The following JAK1 variants were observed in gnomAD, a reference collection of about 807,000 sequenced individuals.
JAK1 encodes the protein tyrosine-protein kinase JAK1.
A neutral mutation model predicts 136.6 loss-of-function variants in JAK1; 16 were observed. The observed-to-expected ratio is 0.12, with a 90% CI of 0.08 to 0.18. JAK1 has a LOEUF of 0.18. Among genes scored for constraint, JAK1 ranks in the 10% least tolerant of loss-of-function variants. JAK1 has a pLI of 1.00. For missense variants in JAK1, 859 were observed against 1,450.1 expected, an observed-to-expected ratio of 0.59 and a Z score of 6.62; for synonymous variants, 492 against 519.5, an observed-to-expected ratio of 0.95 and a Z score of 0.72.
At position 64,983,338 on chromosome 1, in the gene JAK1, A is replaced by C. The variant is rs181148690; in HGVS notation, c.-78+61142T>G. Among the ~76,000 whole-genome samples, 1,065 of 152,312 alleles carry C rather than the reference A, an allele frequency of 7.0e-3. 13 individuals carry two copies. The highest frequency in any genetic ancestry group is 0.033 in the South Asian group (159 of 4,826). ...CACTCGGCACAGGACCACGGTGGTC[A>C]TGGTAACAGACATAGACAAGCATGC... On this transcript the variant is annotated intron_variant, in intron 2 of 25. Transcript: ENST00000671954.
chr1:65,026,662 G>T (rs1169078953), intron 2 of JAK1, among the ~76,000 whole-genome samples: 2 of 152,132 alleles, frequency 1.3e-5, no homozygotes, highest in East Asian at 3.9e-4. Context: ...GAAATTGTTT[G>T]CATTTTAAAT....
intron 2 of JAK1, among the ~76,000 whole-genome samples, chr1:64,981,962 G>A (rs1335266120): frequency 6.6e-6 from 1 of 152,112 alleles, no homozygotes; most frequent in Non-Finnish European, 1.5e-5. Flanking sequence ...TTAGTGTCCT[G>A]GAGATGTAAA....
intron 4 of JAK1, among the ~76,000 whole-genome samples, chr1:64,878,561 GTATATATATATATA>G (rs56881589): frequency 0.017 from 2,004 of 119,892 alleles, 35 homozygotes; most frequent in Middle Eastern, 0.038. Context: ...TATATAGTGT[GTATATATATATATA>G]TATATATATA....
intron 11 of JAK1, 147 bp from the exon 12 acceptor site, chr1:64,851,057 G>GAA: frequency 3.1e-6 from 2 of 639,142 alleles, no homozygotes; most frequent in Non-Finnish European, 5.7e-6. Flanking sequence ...ATAGGCATAT[G>GAA]GCTCCTACCC....
intron 1 of JAK1, among the ~76,000 whole-genome samples, chr1:64,954,391 C>T (rs1200167463): frequency 1.3e-5 from 2 of 152,210 alleles, no homozygotes; most frequent in African/African-American, 4.8e-5. Flanking sequence ...CCCGTGCCCA[C>T]TCTCCTCCCC....
At chr1:64,935,520 C>T (rs1243627478) in intron 1 of JAK1, among the ~76,000 whole-genome samples, 1 of 152,152 alleles carries the variant, frequency 6.6e-6, no homozygotes, top group Non-Finnish European at 1.5e-5. Context: ...AGGCTGGTCT[C>T]GAACTCTCCT....
intron 1 of JAK1, among the ~76,000 whole-genome samples, chr1:65,048,347 T>C (rs1027140015): frequency 2.0e-5 from 3 of 152,198 alleles, no homozygotes; most frequent in African/African-American, 7.2e-5. Flanking sequence ...ATCGCTAGCA[T>C]ATATTATTAT....
chr1:64,885,596 T>C (rs563547057), intron 2 of JAK1, among the ~76,000 whole-genome samples: 7 of 151,684 alleles, frequency 4.6e-5, no homozygotes, highest in East Asian at 1.9e-4. Flanking sequence ...CCACTAAAAA[T>C]AGAAAAATTA....
At chr1:64,851,300 C>T (rs1384893872) in intron 11 of JAK1, among the ~76,000 whole-genome samples, 1 of 152,140 alleles carries the variant, frequency 6.6e-6, no homozygotes, top group Non-Finnish European at 1.5e-5. Context: ...ATTTTCTTCT[C>T]CACCTCCACA....
At chr1:64,969,833 G>GA (rs1202033764), upstream of JAK1, among the ~76,000 whole-genome samples, 3 of 152,100 alleles carry the variant, frequency 2.0e-5, no homozygotes, top group Non-Finnish European at 4.4e-5. Flanking sequence ...TTGAGAAGAG[G>GA]AAAGTTTTAA....
chr1:64,865,923 C>A (rs547551676), intron 7 of JAK1, among the ~76,000 whole-genome samples: 40 of 152,030 alleles, frequency 2.6e-4, no homozygotes, highest in Non-Finnish European at 4.0e-4. Flanking sequence ...CCACATCCTG[C>A]TAATTTTGGT....
intron 3 of JAK1, among the ~76,000 whole-genome samples, chr1:64,881,946 G>A (rs1295898018): frequency 6.6e-6 from 1 of 151,982 alleles, no homozygotes; most frequent in African/African-American, 2.4e-5. Flanking sequence ...AAAAAACAAA[G>A]CCTTAAAAAA....
intron 1 of JAK1, among the ~76,000 whole-genome samples, chr1:64,889,894 C>A (rs76849507): frequency 5.9e-5 from 9 of 152,306 alleles, no homozygotes; most frequent in Non-Finnish European, 1.0e-4. Context: ...CAGATTTTTA[C>A]CGTTAAAAAC....
chr1:65,003,511 T>C (rs1646779840), intron 2 of JAK1: 1 of 152,198 alleles, frequency 6.6e-6, no homozygotes, highest in Admixed American at 6.5e-5. Context: ...TAACAATGAT[T>C]GTGCTTAGTA....
At chr1:64,887,090 T>C (rs974028712) in intron 1 of JAK1, among the ~76,000 whole-genome samples, 8 of 152,154 alleles carry the variant, frequency 5.3e-5, no homozygotes, top group Non-Finnish European at 4.4e-5. Flanking sequence ...CAATAGAAGG[T>C]TGGAGACAGC....
chr1:64,963,274 TGA>T (rs1646315355), intron 1 of JAK1, among the ~76,000 whole-genome samples: 1 of 152,192 alleles, frequency 6.6e-6, no homozygotes, highest in African/African-American at 2.4e-5. Context: ...GGCAAGGATG[TGA>T]GTGTGCTTAA....
At chr1:65,024,525 G>C (rs148733862) in intron 2 of JAK1, among the ~76,000 whole-genome samples, 1 of 152,106 alleles carries the variant, frequency 6.6e-6, no homozygotes, top group East Asian at 1.9e-4. Context: ...TGTTGTAACA[G>C]GTAAGCCTCT....
chr1:64,873,332 C>G (rs1327645944), intron 5 of JAK1, 38 bp downstream of exon 5: 1 of 1,613,014 alleles, frequency 6.2e-7, no homozygotes. Flanking sequence ...CTCTCCCATC[C>G]CACAAACTCC....
intron 2 of JAK1, among the ~76,000 whole-genome samples, chr1:65,033,451 G>A (rs1647041267): frequency 6.6e-6 from 1 of 151,792 alleles, no homozygotes; most frequent in Non-Finnish European, 1.5e-5. Context: ...CCTCTCAAGG[G>A]GCTGGAATTA....
Sources: allele counts gnomAD v4.1 joint callset (sites outside exome capture counted in the v4.1 genomes callset), GRCh38; gene constraint gnomAD v4.1.1; transcripts MANE v1.5; gene names NCBI Gene and HGNC (gene_info 2026-07-23, HGNC 2026-07-21).